The following CAMK2B variants were observed in gnomAD, a reference collection of about 807,000 sequenced individuals.
CAMK2B encodes the protein calcium/calmodulin dependent protein kinase II beta.
Under a neutral mutation model 93.7 loss-of-function variants are expected in CAMK2B, and 27 were observed. The observed-to-expected ratio is 0.29, with a 90% CI of 0.21 to 0.40. The LOEUF (loss-of-function observed/expected upper bound fraction) is 0.40, where lower values mean the gene tolerates loss of function less well. Ranked by LOEUF, CAMK2B falls within the 10% of genes least tolerant of loss-of-function variation. The pLI, the probability that CAMK2B is intolerant of heterozygous loss-of-function variation, is 1.00. For synonymous variants in CAMK2B, 374 were observed against 358.8 expected (o/e 1.04, Z -0.48); for missense variants, 568 against 895.8 (o/e 0.63, Z 4.67).
chr7:44,232,918 G>A (rs1288447117), intron 15 of CAMK2B, 52 bp from the exon 16 acceptor site: 1 of 1,526,030 alleles, frequency 6.6e-7, no homozygotes. Flanking sequence ...AGTGAGAAGA[G>A]GAGGAAGCGG....
At chr7:44,265,347 G>A (rs751761780) in intron 2 of CAMK2B, among the ~76,000 whole-genome samples, 2 of 152,132 alleles carry the variant, frequency 1.3e-5, no homozygotes, top group African/African-American at 2.4e-5. Context: ...TACAATCCAC[G>A]TTCCACCTTT....
intron 1 of CAMK2B, among the ~76,000 whole-genome samples, chr7:44,307,694 T>C (rs1020999315): frequency 3.3e-5 from 5 of 152,068 alleles, no homozygotes; most frequent in African/African-American, 9.7e-5. Flanking sequence ...AGCCAGAGTC[T>C]GGTGGAGGTG....
intron 1 of CAMK2B, among the ~76,000 whole-genome samples, chr7:44,298,169 A>G (rs915928706): frequency 6.6e-6 from 1 of 152,154 alleles, no homozygotes; most frequent in Non-Finnish European, 1.5e-5. Flanking sequence ...AATAATCAAA[A>G]TGGTCTGACA....
intron 1 of CAMK2B, among the ~76,000 whole-genome samples, chr7:44,321,308 G>A (rs759563599): frequency 3.3e-5 from 5 of 152,188 alleles, no homozygotes; most frequent in African/African-American, 1.2e-4. Context: ...CCCCGCGAGC[G>A]GTCAGGCCAC....
intron 1 of CAMK2B, among the ~76,000 whole-genome samples, chr7:44,288,870 A>C (rs1019343385): frequency 1.3e-5 from 2 of 152,080 alleles, no homozygotes; most frequent in African/African-American, 4.8e-5. Flanking sequence ...AATGGGGTGA[A>C]GGCCACCTGC....
At chr7:44,226,250 G>A (rs1383371651) in intron 20 of CAMK2B, among the ~76,000 whole-genome samples, 1 of 152,138 alleles carries the variant, frequency 6.6e-6, no homozygotes, top group Admixed American at 6.5e-5. Flanking sequence ...TCAGGGTTGC[G>A]AATGCTGGGG....
At chr7:44,265,584 T>A (rs1425601573) in intron 2 of CAMK2B, among the ~76,000 whole-genome samples, 2 of 152,260 alleles carry the variant, frequency 1.3e-5, no homozygotes, top group African/African-American at 4.8e-5. Context: ...GATGCAATTA[T>A]GAACGCATTC....
At position 44,272,251 on chromosome 7, in the gene CAMK2B, G is replaced by C. The variant is rs549855066; in HGVS notation, c.161-9187C>G. Among the ~76,000 whole-genome samples the C allele has an allele frequency of 2.6e-5, 4 of 152,186 alleles. No homozygotes were observed. The South Asian group carries it at 8.3e-4, about 32-fold the overall frequency. On this transcript the variant is annotated intron_variant, in intron 2 of 23. Transcript: ENST00000395749. ...TGAGGCAGGAATAACCCCGGCCCAA[G>C]GTCTGGGGGCCAGGTCAGGATCCTC...
chr7:44,247,577 C>T (rs992465636), intron 5 of CAMK2B, among the ~76,000 whole-genome samples: 2 of 151,526 alleles, frequency 1.3e-5, no homozygotes, highest in South Asian at 2.1e-4. Flanking sequence ...GCAGGCCGGG[C>T]GAGCGGGCTA....
At chr7:44,276,465 G>T (rs1400902583) in intron 2 of CAMK2B, among the ~76,000 whole-genome samples, 1 of 152,202 alleles carries the variant, frequency 6.6e-6, no homozygotes, top group African/African-American at 2.4e-5. Context: ...TCCCAGGCAG[G>T]CAGGCTTCTG....
At chr7:44,281,872 C>T (rs1460005736) in intron 2 of CAMK2B, among the ~76,000 whole-genome samples, 1 of 152,162 alleles carries the variant, frequency 6.6e-6, no homozygotes, top group Non-Finnish European at 1.5e-5. Context: ...CAGGGGCCAC[C>T]TCCAGGACCC....
intron 1 of CAMK2B, among the ~76,000 whole-genome samples, chr7:44,313,313 C>T (rs901949753): frequency 6.6e-6 from 1 of 152,146 alleles, no homozygotes; most frequent in African/African-American, 2.4e-5. Flanking sequence ...GAGGCCCTGA[C>T]AAGGACTTTA....
intron 2 of CAMK2B, among the ~76,000 whole-genome samples, chr7:44,266,433 C>T (rs2096921917): frequency 6.6e-6 from 1 of 152,228 alleles, no homozygotes; most frequent in South Asian, 2.1e-4. Context: ...GAACCCAATC[C>T]AGTGCATAAG....
intron 17 of CAMK2B, chr7:44,230,125 C>T (rs555128022): frequency 6.6e-6 from 1 of 152,464 alleles, no homozygotes; most frequent in Non-Finnish European, 1.5e-5. Context: ...TGGAGAACCT[C>T]TGGACAGCCT....
In CAMK2B at chr7:44,232,574, G is replaced by A. The variant is rs573843580; in HGVS notation, c.1176+248C>T. 6.1e-4 allele frequency among the ~76,000 whole-genome samples: 93 copies of A among 152,364 alleles called. 1 individual carries two copies. The highest frequency in any genetic ancestry group is 2.2e-3 in the African/African-American group (92 of 41,580). On this transcript the variant is annotated intron_variant, in intron 16 of 23. Transcript: ENST00000395749. ...GGTGGGACACGCAGAGCCCTGGTCT[G>A]AGAGTGTCGGCCACATGGGGACCGG...
chr7:44,267,397 A>T (rs1346939652), intron 2 of CAMK2B, among the ~76,000 whole-genome samples: 1 of 152,126 alleles, frequency 6.6e-6, no homozygotes, highest in Admixed American at 6.5e-5. Flanking sequence ...GATGAGTAGG[A>T]GTTTGCCTAC....
chr7:44,311,898 C>T lies in CAMK2B; in HGVS notation c.65+13459G>A, dbSNP rs1258332186. Among the ~76,000 whole-genome samples the T allele has an allele frequency of 2.0e-5, 3 of 152,214 alleles. No individual in the cohort carries two copies. The highest frequency in any genetic ancestry group is 6.5e-5 in the Admixed American group (1 of 15,286). The stretch of plus-strand genomic sequence containing the variant: ...CCGTGGACTGACCCTCACGACGCTC[C>T]AAGAGGTGACCCTTCTCCTGCCCAG... On this transcript the variant is annotated intron_variant, in intron 1 of 23. Coordinates refer to ENST00000395749, the MANE Select transcript of CAMK2B (RefSeq NM_001220.5). This position sits in a 1 kb window ranked among gnomAD's most constrained non-coding sequence, Gnocchi z 4.2.
chr7:44,226,361 A>G (rs993829412), intron 20 of CAMK2B, among the ~76,000 whole-genome samples, 155 bp downstream of exon 20: 3 of 152,188 alleles, frequency 2.0e-5, no homozygotes, highest in African/African-American at 7.2e-5. Flanking sequence ...TGGCACCTTC[A>G]TGTGCTTCAA....
chr7:44,227,874 G>A (rs1360381791), intron 19 of CAMK2B, among the ~76,000 whole-genome samples: 1 of 126,212 alleles, frequency 7.9e-6, no homozygotes, highest in Non-Finnish European at 1.7e-5. Context: ...GGGAATTTGG[G>A]GGACAGAGGG....
Sources: allele counts gnomAD v4.1 joint callset (sites outside exome capture counted in the v4.1 genomes callset), GRCh38; gene constraint gnomAD v4.1.1; non-coding constraint Gnocchi (gnomAD v3.1); transcripts MANE v1.5; gene names NCBI Gene and HGNC (gene_info 2026-07-23, HGNC 2026-07-21).